MAPT: variants seen among roughly 807,000 people sequenced by gnomAD.
MAPT encodes microtubule-associated protein tau.
In MAPT, 34 loss-of-function variants were observed where a neutral mutation model predicts 67.9. The ratio of observed to expected loss-of-function variants is 0.50; its 90% CI spans 0.38 to 0.67. The LOEUF is 0.67. MAPT is among the 30% of genes least tolerant of loss of function. MAPT has a pLI of 0.00. For missense variants in MAPT, 881 were observed against 1,115.2 expected (o/e 0.79, Z 2.99); for synonymous variants, 456 against 464.5 (o/e 0.98, Z 0.23).
intron 5 of MAPT, among the ~76,000 whole-genome samples, chr17:45,984,167 C>T (rs1197926617): frequency 6.6e-6 from 1 of 152,234 alleles, no homozygotes; most frequent in African/African-American, 2.4e-5. Flanking sequence ...ACCAGCACCC[C>T]CGCTCCGTGC....
chr17:45,901,666 C>A (rs748544702), intron 1 of MAPT, among the ~76,000 whole-genome samples: 27 of 152,276 alleles, frequency 1.8e-4, no homozygotes, highest in South Asian at 1.7e-3. Context: ...ATCAGAAAAT[C>A]ATTTAAATGA....
In MAPT at chr17:45,913,914, C is replaced by T. The variant is rs553132225; in HGVS notation, c.-18+19228C>T. On this transcript the variant is annotated intron_variant, in intron 1 of 12. Coordinates refer to ENST00000262410, the MANE Select transcript of MAPT (RefSeq NM_001377265.1). ...ACCACCCTTGGGCTTTCATGATGCTCACAGAATCCACACTGTTGGAGCTTT... is the reference window on the plus strand; with the variant it reads ...ACCACCCTTGGGCTTTCATGATGCTTACAGAATCCACACTGTTGGAGCTTT... Among the ~76,000 whole-genome samples, 120 of 152,212 alleles carry T rather than the reference C, an allele frequency of 7.9e-4. 2 individuals are homozygous for T. In the Middle Eastern group the frequency reaches 0.014, roughly 17 times the overall value.
intron 11 of MAPT, among the ~76,000 whole-genome samples, chr17:46,015,093 A>C (rs1167032124): frequency 1.3e-5 from 2 of 152,112 alleles, no homozygotes; most frequent in Non-Finnish European, 2.9e-5. Context: ...AATAACTAAA[A>C]GATAGCCGGG....
intron 1 of MAPT, among the ~76,000 whole-genome samples, chr17:45,930,215 C>CA (rs1396787146): frequency 2.6e-5 from 4 of 152,120 alleles, no homozygotes; most frequent in African/African-American, 9.7e-5. Flanking sequence ...GCCTGGCCAA[C>CA]ATGGTGAAAC....
At chr17:46,007,904 AT>A (rs150864347) in intron 9 of MAPT, among the ~76,000 whole-genome samples, 14 of 150,006 alleles carry the variant, frequency 9.3e-5, no homozygotes, top group Non-Finnish European at 1.3e-4. Flanking sequence ...GGCTGTTTGT[AT>A]TTTTTTTTTC....
rs1468459748 is a variant in MAPT at position 46,006,503 on chromosome 17, C to CTAGT, written c.1999-3806_1999-3803dup. 2.6e-5 allele frequency among the ~76,000 whole-genome samples: 4 copies of CTAGT among 151,878 alleles called. No homozygotes were observed. The East Asian group carries it at 7.7e-4, about 29-fold the overall frequency. ...AAAAACGTAGTTAGCATGCATAGAT[C>CTAGT]TAGTATTGGATAGCACAGCAGGGTG... On this transcript the variant is annotated intron_variant, in intron 9 of 12. Coordinates refer to ENST00000262410, the MANE Select transcript of MAPT (RefSeq NM_001377265.1).
intron 1 of MAPT, among the ~76,000 whole-genome samples, chr17:45,926,958 T>C (rs1030799354): frequency 2.8e-5 from 3 of 108,056 alleles, no homozygotes; most frequent in Admixed American, 9.9e-5. Context: ...CATATATGTG[T>C]ATATATATAC....
intron 9 of MAPT, among the ~76,000 whole-genome samples, chr17:46,000,835 C>T (rs2074940412): frequency 6.6e-6 from 1 of 152,244 alleles, no homozygotes; most frequent in South Asian, 2.1e-4. Context: ...GCCAGGCCAG[C>T]CCCTGGTTCC....
At chr17:46,013,430 T>C (rs17573858) in intron 10 of MAPT, among the ~76,000 whole-genome samples, 21,817 of 152,278 alleles carry the variant, frequency 0.14, 2,136 homozygotes, top group Non-Finnish European at 0.22. Context: ...CAGCTCAGGG[T>C]CATCATTCCC....
intron 1 of MAPT, among the ~76,000 whole-genome samples, chr17:45,903,705 ACTT>A (rs2063775243): frequency 9.7e-6 from 1 of 103,534 alleles, no homozygotes; most frequent in South Asian, 2.7e-4. Context: ...ACAGAGCTAG[ACTT>A]CTTCTCAAAA....
At chr17:46,014,182 GTCTC>G (rs760689578) in intron 10 of MAPT, 57 bp from the exon 11 acceptor site, 44 of 944,680 alleles carry the variant, frequency 4.7e-5, no homozygotes, top group Non-Finnish European at 6.5e-5. Flanking sequence ...TATCCTTTTT[GTCTC>G]TCTGTCTTCC....
At position 45,983,238 on chromosome 17, in the gene MAPT, T is replaced by C. The variant is rs1489478757; in HGVS notation, c.659T>C (p.Leu220Pro). The change falls in exon 5 of 13, where the codon CTG (leucine) becomes CCG (proline). Residue 220 changes from leucine (L) to proline (P), a missense_variant. Transcript: ENST00000262410. ...GFLREPGPPG[L>P]SHQLMSGMPG... Reference sequence around the variant, plus strand: ...CTCCGAGAGCCAGGCCCCCCAGGTCTGAGCCACCAGCTCATGTCCGGCATG... The same window carrying C: ...CTCCGAGAGCCAGGCCCCCCAGGTCCGAGCCACCAGCTCATGTCCGGCATG... The C allele has an allele frequency of 6.2e-7, 1 of 1,604,350 alleles. No individual in the cohort carries two copies. The highest frequency in any genetic ancestry group is 2.2e-5 in the East Asian group (1 of 44,616).
intron 1 of MAPT, among the ~76,000 whole-genome samples, chr17:45,955,677 A>T (rs1326900145): frequency 6.6e-6 from 1 of 151,860 alleles, no homozygotes; most frequent in East Asian, 1.9e-4. Flanking sequence ...ACCTCTGAGA[A>T]TCCAACAGAA....
intron 10 of MAPT, among the ~76,000 whole-genome samples, chr17:46,011,123 GTGGTGGCTCGTGCCTGTAA>G (rs2146030321): frequency 6.6e-6 from 1 of 152,360 alleles, no homozygotes; most frequent in Non-Finnish European, 1.5e-5. Context: ...CTTGCCAGGA[GTGGTGGCTCGTGCCTGTAA>G]TTCCAGCACT....
intron 2 of MAPT, among the ~76,000 whole-genome samples, chr17:45,963,205 AAAC>A (rs2145321604): frequency 6.6e-6 from 1 of 152,368 alleles, no homozygotes; most frequent in South Asian, 2.1e-4. Context: ...CCACATTAAT[AAAC>A]AACATCGACT....
rs919234107 is a variant in MAPT, at chr17:45,906,928, C to T, written c.-18+12242C>T. On this transcript the variant is annotated intron_variant, in intron 1 of 12. Coordinates refer to ENST00000262410, the MANE Select transcript of MAPT (RefSeq NM_001377265.1). This position sits in a 1 kb window ranked among gnomAD's most constrained non-coding sequence, Gnocchi z 4.3. The stretch of plus-strand genomic sequence containing the variant: ...TCACCAGCGATAAAATGATTTTAGA[C>T]CTTATCATCTCACCCTCGGATCCTT... 4.6e-5 allele frequency among the ~76,000 whole-genome samples: 7 copies of T among 152,150 alleles called. No homozygotes were observed. The highest frequency in any genetic ancestry group is 9.7e-5 in the African/African-American group (4 of 41,422).
In MAPT at chr17:46,010,609, G is replaced by C. The variant is rs930391235; in HGVS notation, c.2091+207G>C. On this transcript the variant is annotated intron_variant, in intron 10 of 12. Coordinates refer to ENST00000262410, the MANE Select transcript of MAPT (RefSeq NM_001377265.1). This position sits in a 1 kb window ranked among gnomAD's most constrained non-coding sequence, Gnocchi z 4.7. ...CCAGAAGCCCCTTCCTCATATTCTA[G>C]GAGGGGGTGTCCCAGCATTTCTGGG... Among the ~76,000 whole-genome samples, 1 of 152,204 alleles carries C rather than the reference G, an allele frequency of 6.6e-6. No homozygotes were observed. Among genetic ancestry groups the C allele is most frequent in the Non-Finnish European group, 1.5e-5 (1 of 68,020 alleles).
In MAPT at chr17:45,931,940, G is replaced by A. The variant is rs992188216; in HGVS notation, c.-17-30381G>A. 5 of 152,224 alleles carry A rather than the reference G, an allele frequency of 3.3e-5. No homozygotes were observed. The East Asian group carries it at 5.8e-4, about 18-fold the overall frequency. 9.4% of individuals were successfully genotyped at this position (152,224 alleles called of 1,614,324 possible). A position where few individuals can be genotyped will look rare whatever the true frequency, so the allele number is the denominator to read the frequency against. On this transcript the variant is annotated intron_variant, in intron 1 of 12. Coordinates refer to ENST00000262410, the MANE Select transcript of MAPT (RefSeq NM_001377265.1). ...TGTCTCTACTGAAAACAATTAGCTG[G>A]GTGTGGTGGCACATGCCTGCGGTCC...
intron 1 of MAPT, among the ~76,000 whole-genome samples, chr17:45,925,266 A>T (rs2055797): frequency 0.65 from 99,408 of 152,058 alleles, 32,635 homozygotes; most frequent in Middle Eastern, 0.68. Context: ...GCCCCTCTCC[A>T]GGGTTTACAC....
Sources: gnomAD v4.1 joint callset for allele counts (sites outside exome capture counted in the v4.1 genomes callset) on GRCh38, gnomAD v4.1.1 for gene constraint, Gnocchi (gnomAD v3.1) non-coding constraint, MANE v1.5 for transcripts, NCBI Gene and HGNC (gene_info 2026-07-23, HGNC 2026-07-21) for gene names.